The following OXR1 variants were observed in gnomAD, a reference collection of about 807,000 sequenced individuals.
OXR1 encodes the protein oxidation resistance protein 1.
In OXR1, 41 loss-of-function variants were observed where a neutral mutation model predicts 104.6. That is an observed-to-expected ratio of 0.39 (90% CI 0.31 to 0.51). OXR1 has a LOEUF of 0.51. Ranked by LOEUF, OXR1 falls within the 20% of genes least tolerant of loss-of-function variation. The pLI is 0.77. For synonymous variants in OXR1, 348 were observed against 348.4 expected, an observed-to-expected ratio of 1.00 and a Z score of 0.01; for missense variants, 955 against 1,031.9, an observed-to-expected ratio of 0.93 and a Z score of 1.02.
chr8:106,422,809 T>C (rs1243004116), intron 2 of OXR1, among the ~76,000 whole-genome samples: 1 of 152,176 alleles, frequency 6.6e-6, no homozygotes, highest in Non-Finnish European at 1.5e-5. Context: ...GAACTTGAAA[T>C]CTTCTCTTTG....
intron 1 of OXR1, among the ~76,000 whole-genome samples, chr8:106,305,349 A>T (rs1813424580): frequency 6.6e-6 from 1 of 152,182 alleles, no homozygotes; most frequent in African/African-American, 2.4e-5. Context: ...GTGAAAGTAC[A>T]CTTTTTCAAA....
chr8:106,475,722 T>C (rs1821767462), intron 2 of OXR1, among the ~76,000 whole-genome samples: 1 of 136,214 alleles, frequency 7.3e-6, no homozygotes, highest in Non-Finnish European at 1.6e-5. Context: ...CTAATGTCAG[T>C]TTGTTTTCTG....
At chr8:106,317,604 A>C (rs1408879778) in intron 1 of OXR1, among the ~76,000 whole-genome samples, 2 of 152,152 alleles carry the variant, frequency 1.3e-5, no homozygotes, top group East Asian at 1.9e-4. Flanking sequence ...CTTTCTAGTT[A>C]GGACACCATT....
intron 3 of OXR1, among the ~76,000 whole-genome samples, chr8:106,630,752 A>G (rs1470965264): frequency 6.6e-6 from 1 of 152,222 alleles, no homozygotes; most frequent in Non-Finnish European, 1.5e-5. Context: ...CCAGATTTGT[A>G]TACCTGATTA....
At chr8:106,415,447 T>A (rs1210819761) in intron 2 of OXR1, among the ~76,000 whole-genome samples, 1 of 152,058 alleles carries the variant, frequency 6.6e-6, no homozygotes. Context: ...GAGAGTAAGC[T>A]ACATAAAAAC....
At chr8:106,700,576 C>A (rs1195148512) in intron 7 of OXR1, among the ~76,000 whole-genome samples, 1 of 152,142 alleles carries the variant, frequency 6.6e-6, no homozygotes, top group Non-Finnish European at 1.5e-5. Flanking sequence ...GGTAGGACTT[C>A]AAACTCTTTC....
At chr8:106,527,022 G>A in intron 3 of OXR1, among the ~76,000 whole-genome samples, 1 of 152,160 alleles carries the variant, frequency 6.6e-6, no homozygotes, top group Non-Finnish European at 1.5e-5. Flanking sequence ...TGAGGAACTT[G>A]GCCTTGAGAA....
intron 1 of OXR1, among the ~76,000 whole-genome samples, chr8:106,302,612 A>G (rs868458118): frequency 6.6e-6 from 1 of 151,674 alleles, no homozygotes; most frequent in Non-Finnish European, 1.5e-5. Flanking sequence ...AGAATCGTTT[A>G]GACATTATGA....
chr8:106,707,106 G>T lies in OXR1; in HGVS notation c.1585G>T (p.Ala529Ser), dbSNP rs1831212579. 2 of 1,613,712 alleles carry T rather than the reference G, an allele frequency of 1.2e-6. No homozygotes were observed. The highest frequency in any genetic ancestry group is 2.7e-5 in the African/African-American group (2 of 74,896). The change falls in exon 9 of 17, where the codon GCT (alanine) becomes TCT (serine). Residue 529 changes from alanine to serine, a missense_variant. By Grantham distance (99) the Ala-to-Ser change is moderately conservative. Transcript: ENST00000517566. ...TATTCAACAAGTGTCACAAAAAGAAGCTAAGCATAAAATTACATCTGCTGA... is the reference window on the plus strand; with the variant it reads ...TATTCAACAAGTGTCACAAAAAGAATCTAAGCATAAAATTACATCTGCTGA... ...ENIQQVSQKE[A>S]KHKITSADGH... is the part of the protein sequence containing the mutation.
chr8:106,364,195 C>A (rs1193458216), intron 2 of OXR1, among the ~76,000 whole-genome samples: 7 of 152,136 alleles, frequency 4.6e-5, no homozygotes, highest in Non-Finnish European at 1.5e-5. Flanking sequence ...ATATGTATAT[C>A]ATTTAAAATA....
intron 1 of OXR1, among the ~76,000 whole-genome samples, chr8:106,322,978 TC>T (rs1212530829): frequency 6.6e-6 from 1 of 152,138 alleles, no homozygotes; most frequent in African/African-American, 2.4e-5. Context: ...ATTTATAGAT[TC>T]AGTGCTATTC....
chr8:106,394,288 A>C (rs1221551649), intron 2 of OXR1, among the ~76,000 whole-genome samples: 1 of 151,650 alleles, frequency 6.6e-6, no homozygotes, highest in Non-Finnish European at 1.5e-5. Context: ...GATATGCTAT[A>C]CAACTGTTAG....
chr8:106,664,878 G>A (rs1448816049), intron 3 of OXR1, among the ~76,000 whole-genome samples: 1 of 152,184 alleles, frequency 6.6e-6, no homozygotes. Flanking sequence ...GTTTGTGGAA[G>A]TTGCACCTTT....
intron 1 of OXR1, among the ~76,000 whole-genome samples, chr8:106,323,529 A>C (rs1370476832): frequency 2.0e-5 from 3 of 152,234 alleles, no homozygotes. Context: ...ATTAAACTTA[A>C]GAGCTTCTGC....
chr8:106,434,202 A>G (rs924332618), intron 2 of OXR1, among the ~76,000 whole-genome samples: 27 of 152,182 alleles, frequency 1.8e-4, no homozygotes, highest in African/African-American at 6.3e-4. Context: ...TGTTATATGC[A>G]TGCATGTTTG....
At chr8:106,705,802 A>G (rs1469330474) in intron 8 of OXR1, among the ~76,000 whole-genome samples, 1 of 152,134 alleles carries the variant, frequency 6.6e-6, no homozygotes, top group Non-Finnish European at 1.5e-5. Context: ...TCTTAGAGGT[A>G]TTAAAGAGTA....
intron 2 of OXR1, among the ~76,000 whole-genome samples, chr8:106,390,584 A>G (rs1272185036): frequency 6.6e-6 from 1 of 152,192 alleles, no homozygotes; most frequent in Non-Finnish European, 1.5e-5. Flanking sequence ...AACCCAGGCA[A>G]CTTGGCTTTA....
rs77228042 is a variant in OXR1, at chr8:106,505,379, G to A, written c.24-13564G>A. Among the ~76,000 whole-genome samples the A allele has an allele frequency of 2.3e-3, 356 of 152,262 alleles. 1 individual carries two copies. Among genetic ancestry groups the A allele is most frequent in the African/African-American group, 8.0e-3 (332 of 41,550 alleles). ...GGTGTGCATATAATTGCAAAGCACT[G>A]TATTGGATACATAAAAGAAATCTAC... On this transcript the variant is annotated intron_variant, in intron 2 of 16. Transcript: ENST00000517566.
chr8:106,748,309 A>T (rs2131603977), intron 16 of OXR1, among the ~76,000 whole-genome samples: 1 of 152,258 alleles, frequency 6.6e-6, no homozygotes, highest in African/African-American at 2.4e-5. Context: ...GGGACGATAT[A>T]GTTTTGCAGT....
Sources: allele counts gnomAD v4.1 joint callset (sites outside exome capture counted in the v4.1 genomes callset), GRCh38; gene constraint gnomAD v4.1.1; transcripts MANE v1.5; gene names NCBI Gene and HGNC (gene_info 2026-07-23, HGNC 2026-07-21).